RBFOX1: variants seen among roughly 807,000 people sequenced by gnomAD.
RBFOX1 encodes the protein RNA binding protein fox-1 homolog 1.
In RBFOX1, 8 loss-of-function variants were observed where a neutral mutation model predicts 57.7. That is an observed-to-expected ratio of 0.14 (90% confidence interval 0.08 to 0.25). The LOEUF (loss-of-function observed/expected upper bound fraction) is 0.25, where lower values mean the gene tolerates loss of function less well. RBFOX1 is among the 10% of genes least tolerant of loss of function. RBFOX1 has a pLI of 1.00. For synonymous variants in RBFOX1, 326 were observed against 222.4 expected, an observed-to-expected ratio of 1.47 and a Z score of -4.15; for missense variants, 611 against 548.5, an observed-to-expected ratio of 1.11 and a Z score of -1.14.
intron 3 of RBFOX1, among the ~76,000 whole-genome samples, chr16:6,957,323 G>C (rs1462079718): frequency 1.3e-5 from 2 of 151,830 alleles, no homozygotes; most frequent in Non-Finnish European, 2.9e-5. Context: ...AGTACAGACG[G>C]GGTTTCACCA....
chr16:6,771,565 A>C (rs1343120817), intron 3 of RBFOX1, among the ~76,000 whole-genome samples: 3 of 152,168 alleles, frequency 2.0e-5, no homozygotes, highest in African/African-American at 7.2e-5. Flanking sequence ...GTGTCTTCTC[A>C]GATATGATGC....
chr16:7,410,298 C>G (rs1194897921), intron 4 of RBFOX1, among the ~76,000 whole-genome samples: 1 of 152,182 alleles, frequency 6.6e-6, no homozygotes, highest in Non-Finnish European at 1.5e-5. Context: ...TGTTATTGCT[C>G]TCACTTGACA....
chr16:6,786,404 A>C (rs544558252), intron 3 of RBFOX1, among the ~76,000 whole-genome samples: 2 of 152,318 alleles, frequency 1.3e-5, no homozygotes, highest in African/African-American at 4.8e-5. Flanking sequence ...TTTGGGCTTC[A>C]TGCATCATTT....
intron 3 of RBFOX1, among the ~76,000 whole-genome samples, chr16:6,818,080 A>T (rs759145039): frequency 2.6e-5 from 4 of 152,108 alleles, no homozygotes; most frequent in Non-Finnish European, 5.9e-5. Context: ...AGATGTCATG[A>T]TGTAATTGCA....
chr16:6,955,080 A>G (rs576465336), intron 3 of RBFOX1, among the ~76,000 whole-genome samples: 1 of 114,028 alleles, frequency 8.8e-6, no homozygotes. Context: ...AAAAAAAAAA[A>G]CACACAAAAA....
At chr16:6,648,196 C>T (rs1322017573) in intron 2 of RBFOX1, among the ~76,000 whole-genome samples, 1 of 151,988 alleles carries the variant, frequency 6.6e-6, no homozygotes, top group Non-Finnish European at 1.5e-5. Flanking sequence ...CAGGTGCATA[C>T]CACCCCACCT....
chr16:7,060,384 A>T (rs1266054113), intron 4 of RBFOX1, among the ~76,000 whole-genome samples: 1 of 152,168 alleles, frequency 6.6e-6, no homozygotes, highest in African/African-American at 2.4e-5. Context: ...ATTCAAAGAA[A>T]AGGCCTTAGA....
At chr16:7,147,411 C>G (rs1193002104) in intron 4 of RBFOX1, among the ~76,000 whole-genome samples, 1 of 151,380 alleles carries the variant, frequency 6.6e-6, no homozygotes, top group Non-Finnish European at 1.5e-5. Flanking sequence ...ACAAATGATC[C>G]TGTCACCCAG....
intron 4 of RBFOX1, among the ~76,000 whole-genome samples, chr16:7,071,716 C>G (rs115346255): frequency 4.6e-5 from 7 of 151,980 alleles, no homozygotes; most frequent in African/African-American, 1.4e-4. Flanking sequence ...TTCTAGGTCC[C>G]TATACACAAA....
At chr16:6,341,411 C>T (rs756959245) in intron 2 of RBFOX1, among the ~76,000 whole-genome samples, 11 of 152,006 alleles carry the variant, frequency 7.2e-5, no homozygotes, top group Admixed American at 3.3e-4. Context: ...ACTTCCTGGG[C>T]GGCATTCATA....
chr16:6,005,844 TA>T lies in RBFOX1; in HGVS notation c.351+138510del, dbSNP rs565117630. Among the ~76,000 whole-genome samples the T allele has an allele frequency of 2.9e-3, 447 of 152,330 alleles. 3 individuals carry two copies. The highest frequency in any genetic ancestry group is 0.01 in the African/African-American group (434 of 41,566). ...TTTGAGCTGGGTCTTGAGTCAGGTA[TA>T]TGGCTCAATAGGTGATGAAGTAGAA... On this transcript the variant is annotated intron_variant, in intron 4 of 19. Coordinates refer to the RBFOX1 transcript ENST00000641259.
chr16:7,265,958 G>GTATTTTTTTTTTTTTTTTTTTTTTT lies in RBFOX1; in HGVS notation c.27+213861_27+213862insATTTTTTTTTTTTTTTTTTTTTTTT. ...GTGAGTGAGTTATGAGATCTGGTGG[G>GTATTTTTTTTTTTTTTTTTTTTTTT]TTTTTGTTTTTTTTTTTTTTTTTTT... On this transcript the variant is annotated intron_variant, in intron 4 of 15. Coordinates refer to ENST00000550418, the MANE Select transcript of RBFOX1 (RefSeq NM_018723.4). 1.9e-5 allele frequency among the ~76,000 whole-genome samples: 2 copies of GTATTTTTTTTTTTTTTTTTTTTTTT among 107,604 alleles called. 1 individual carries two copies. The allele number at this position is 107,604 out of a possible 152,430, so 70.6% of individuals were successfully genotyped here.
intron 3 of RBFOX1, among the ~76,000 whole-genome samples, chr16:6,955,596 C>A (rs1178756045): frequency 3.9e-5 from 6 of 152,090 alleles, no homozygotes; most frequent in Non-Finnish European, 5.9e-5. Flanking sequence ...TATGCTGGTG[C>A]ATTGTATTGC....
intron 2 of RBFOX1, among the ~76,000 whole-genome samples, chr16:6,611,906 C>T (rs1377236074): frequency 6.6e-6 from 1 of 152,100 alleles, no homozygotes; most frequent in African/African-American, 2.4e-5. Context: ...ACCTCCTCTT[C>T]CCATTGGTTG....
At chr16:6,276,790 T>C (rs2152688346) in intron 1 of RBFOX1, among the ~76,000 whole-genome samples, 1 of 149,874 alleles carries the variant, frequency 6.7e-6, no homozygotes, top group South Asian at 2.2e-4. Context: ...CCACGTGTAT[T>C]ACAGTCTGTA....
At chr16:5,417,912 C>G (rs1222614701) in intron 1 of RBFOX1, among the ~76,000 whole-genome samples, 2 of 152,094 alleles carry the variant, frequency 1.3e-5, no homozygotes, top group African/African-American at 2.4e-5. Context: ...GGAACCGCAT[C>G]TCTACTAAAA....
intron 3 of RBFOX1, among the ~76,000 whole-genome samples, chr16:6,871,360 A>G (rs12932783): frequency 0.31 from 47,213 of 151,816 alleles, 9,425 homozygotes; most frequent in African/African-American, 0.56. Context: ...TAATTTTTGT[A>G]TTTTTAGTAG....
chr16:6,904,599 TAAAAAAAAA>T (rs71147623), intron 3 of RBFOX1, among the ~76,000 whole-genome samples: 11 of 64,028 alleles, frequency 1.7e-4, no homozygotes, highest in East Asian at 4.8e-4. Flanking sequence ...AGACTCTCTC[TAAAAAAAAA>T]AAAAAAAAAA....
chr16:5,549,375 C>G (rs1227025749), intron 2 of RBFOX1, among the ~76,000 whole-genome samples: 1 of 152,122 alleles, frequency 6.6e-6, no homozygotes, highest in Non-Finnish European at 1.5e-5. Context: ...GCTGTGGGAC[C>G]CTCAGTAGCC....
Sources: gnomAD v4.1 joint callset for allele counts (sites outside exome capture counted in the v4.1 genomes callset) on GRCh38, gnomAD v4.1.1 for gene constraint, MANE v1.5 for transcripts, NCBI Gene and HGNC (gene_info 2026-07-23, HGNC 2026-07-21) for gene names.